Variants in FUT9 observed in about 807,000 individuals in gnomAD.
FUT9 encodes the protein fucosyltransferase 9.
In FUT9, 15 loss-of-function variants were observed where a neutral mutation model predicts 29.7. The observed-to-expected ratio is 0.51, with a 90% CI of 0.34 to 0.78. The LOEUF (loss-of-function observed/expected upper bound fraction) is 0.78. Ranked by LOEUF, FUT9 falls within the 30% of genes least tolerant of loss-of-function variation. The pLI is 0.01. For synonymous variants in FUT9, 169 were observed against 153.7 expected (o/e 1.10, Z -0.74); for missense variants, 319 against 425.4 (o/e 0.75, Z 2.20).
chr6:96,151,603 C>T (rs1357094779), intron 2 of FUT9, among the ~76,000 whole-genome samples: 1 of 152,124 alleles, frequency 6.6e-6, no homozygotes, highest in African/African-American at 2.4e-5. Flanking sequence ...TGGAAGGAAT[C>T]GTTGTTCCAA....
intron 1 of FUT9, among the ~76,000 whole-genome samples, chr6:96,055,434 C>A (rs1770745074): frequency 1.3e-5 from 2 of 148,378 alleles, no homozygotes; most frequent in Admixed American, 6.7e-5. Context: ...AAGTTAATTT[C>A]AAATTTTAGT....
chr6:96,115,325 G>T (rs1037400151), intron 2 of FUT9, among the ~76,000 whole-genome samples: 1 of 152,060 alleles, frequency 6.6e-6, no homozygotes, highest in Non-Finnish European at 1.5e-5. Context: ...GTAAAGAAAA[G>T]AATGAGACAA....
intron 2 of FUT9, among the ~76,000 whole-genome samples, chr6:96,159,791 G>T (rs1422630133): frequency 6.6e-6 from 1 of 152,026 alleles, no homozygotes; most frequent in Non-Finnish European, 1.5e-5. Context: ...ATATCAACAG[G>T]ATTCTAAACA....
chr6:96,164,502 C>T (rs1188757625), intron 2 of FUT9, among the ~76,000 whole-genome samples: 1 of 152,112 alleles, frequency 6.6e-6, no homozygotes, highest in Non-Finnish European at 1.5e-5. Flanking sequence ...TCGTGATCCA[C>T]CCACCTTGGC....
intron 2 of FUT9, among the ~76,000 whole-genome samples, chr6:96,196,960 G>T (rs556439715): frequency 6.6e-6 from 1 of 152,168 alleles, no homozygotes; most frequent in African/African-American, 2.4e-5. Flanking sequence ...GGAGGAAAAG[G>T]GTTCTTGTTT....
At chr6:96,039,036 A>G (rs145254544) in intron 1 of FUT9, among the ~76,000 whole-genome samples, 3,189 of 152,238 alleles carry the variant, frequency 0.021, 50 homozygotes, top group Non-Finnish European at 0.031. Context: ...CACTTAATGT[A>G]TTATTCTGAA....
At chr6:96,198,681 A>G (rs911569740) in intron 2 of FUT9, among the ~76,000 whole-genome samples, 1 of 152,198 alleles carries the variant, frequency 6.6e-6, no homozygotes, top group Non-Finnish European at 1.5e-5. Flanking sequence ...CAGATCCCTG[A>G]GGAATCGCCA....
chr6:96,193,468 G>A (rs1294549368), intron 2 of FUT9, among the ~76,000 whole-genome samples: 1 of 147,414 alleles, frequency 6.8e-6, no homozygotes, highest in African/African-American at 2.5e-5. Flanking sequence ...ATCATCACTG[G>A]CCATCAGAGA....
At chr6:96,146,621 T>C (rs1772572245) in intron 2 of FUT9, among the ~76,000 whole-genome samples, 1 of 152,222 alleles carries the variant, frequency 6.6e-6, no homozygotes, top group East Asian at 1.9e-4. Context: ...AATAAATTAA[T>C]TCTGGAGTGC....
chr6:96,130,028 G>A (rs573992435), intron 2 of FUT9, among the ~76,000 whole-genome samples: 40 of 152,022 alleles, frequency 2.6e-4, no homozygotes, highest in Non-Finnish European at 4.3e-4. Flanking sequence ...TAAATTACAC[G>A]TCAGTTGGAA....
intron 1 of FUT9, among the ~76,000 whole-genome samples, chr6:96,040,433 C>T (rs371022062): frequency 1.1e-4 from 16 of 152,062 alleles, no homozygotes; most frequent in Admixed American, 5.9e-4. Context: ...TAGCAATCCT[C>T]GATATTCTTG....
At chr6:96,048,393 A>T (rs751372704) in intron 1 of FUT9, among the ~76,000 whole-genome samples, 5 of 152,230 alleles carry the variant, frequency 3.3e-5, no homozygotes, top group Non-Finnish European at 7.3e-5. Flanking sequence ...GAAAATGAGC[A>T]GTAACATTGG....
intron 1 of FUT9, among the ~76,000 whole-genome samples, chr6:96,077,643 T>C (rs1238351094): frequency 1.3e-5 from 2 of 152,184 alleles, no homozygotes; most frequent in African/African-American, 2.4e-5. Context: ...CTACAGCTCT[T>C]TGTTGGCTGG....
At chr6:96,055,919 A>G (rs1316471982) in intron 1 of FUT9, among the ~76,000 whole-genome samples, 2 of 152,076 alleles carry the variant, frequency 1.3e-5, no homozygotes, top group Non-Finnish European at 2.9e-5. Context: ...TATTTCTAAT[A>G]TAATTTATTA....
chr6:96,174,171 G>A (rs926615294), intron 2 of FUT9, among the ~76,000 whole-genome samples: 5 of 152,040 alleles, frequency 3.3e-5, no homozygotes, highest in African/African-American at 1.2e-4. Flanking sequence ...TTAAAGAGAT[G>A]TGATTAAATA....
intron 1 of FUT9, among the ~76,000 whole-genome samples, chr6:96,085,361 T>C (rs1441602302): frequency 6.6e-6 from 1 of 152,202 alleles, no homozygotes; most frequent in East Asian, 1.9e-4. Flanking sequence ...AGATGGCAGC[T>C]TCTAACTGCG....
chr6:96,119,754 T>G (rs899678204), intron 2 of FUT9, among the ~76,000 whole-genome samples: 13 of 152,198 alleles, frequency 8.5e-5, no homozygotes, highest in African/African-American at 2.9e-4. Context: ...ACAGTTTTAA[T>G]ATGAAGAAAA....
chr6:96,028,026 A>C (rs1300108026), intron 1 of FUT9, among the ~76,000 whole-genome samples: 1 of 151,632 alleles, frequency 6.6e-6, no homozygotes, highest in Non-Finnish European at 1.5e-5. Flanking sequence ...GGAGTGAATC[A>C]AACACAAGAC....
intron 2 of FUT9, among the ~76,000 whole-genome samples, chr6:96,143,800 G>A (rs565029292): frequency 6.6e-6 from 1 of 152,292 alleles, no homozygotes; most frequent in Admixed American, 6.5e-5. Flanking sequence ...AAGTGGGAAT[G>A]TACTATCTTG....
Sources: gnomAD v4.1 joint callset for allele counts (sites outside exome capture counted in the v4.1 genomes callset) on GRCh38, gnomAD v4.1.1 for gene constraint, MANE v1.5 for transcripts, NCBI Gene and HGNC (gene_info 2026-07-23, HGNC 2026-07-21) for gene names.